GALC: variants seen among roughly 807,000 people sequenced by gnomAD.
GALC encodes galactosylceramidase.
In GALC, 77 loss-of-function variants were observed where a neutral mutation model predicts 91.8. The observed-to-expected ratio is 0.84, with a 90% CI of 0.70 to 1.01. The LOEUF is 1.01. Among genes scored for constraint, GALC ranks in the 50% least tolerant of loss-of-function variants. The pLI is 0.00. For missense variants in GALC, 882 were observed against 855.9 expected (o/e 1.03, Z -0.38); for synonymous variants, 357 against 306.7 (o/e 1.16, Z -1.71).
intron 1 of GALC, chr14:87,992,229 A>G (rs78557856): frequency 0.14 from 207,463 of 1,489,856 alleles, 15,737 homozygotes; most frequent in Middle Eastern, 0.16. Flanking sequence ...TCCGAGTTCA[A>G]CCTTAACATT....
chr14:87,980,137 C>CT (rs1886674747), intron 6 of GALC, among the ~76,000 whole-genome samples: 1 of 152,282 alleles, frequency 6.6e-6, no homozygotes, highest in Admixed American at 6.5e-5. Context: ...AATCCCAGCA[C>CT]TTTGGGAGGC....
At chr14:87,937,186 A>G (rs541705587) in intron 16 of GALC, among the ~76,000 whole-genome samples, 2 of 151,754 alleles carry the variant, frequency 1.3e-5, no homozygotes, top group Admixed American at 1.3e-4. Flanking sequence ...TGTTTTTTTT[A>G]TTTACGCAAA....
intron 3 of GALC, chr14:87,987,932 T>C (rs1887041498): frequency 3.6e-6 from 2 of 556,740 alleles, no homozygotes; most frequent in East Asian, 3.0e-5. Context: ...AAATAAGCAA[T>C]TTGAAGTTTG....
chr14:87,938,928 C>T (rs79442615), intron 16 of GALC, among the ~76,000 whole-genome samples: 16,646 of 151,824 alleles, frequency 0.11, 1,136 homozygotes, highest in Non-Finnish European at 0.16. Context: ...TAAATTCACA[C>T]AAATTTGCCA....
intron 1 of GALC, among the ~76,000 whole-genome samples, chr14:87,989,091 T>A (rs1288446858): frequency 6.6e-6 from 1 of 152,184 alleles, no homozygotes; most frequent in Non-Finnish European, 1.5e-5. Flanking sequence ...TACTGGATCA[T>A]GCCTGGACCA....
intron 15 of GALC, 106 bp downstream of exon 15, chr14:87,941,289 C>T (rs1884837983): frequency 1.3e-6 from 1 of 763,522 alleles, no homozygotes. Context: ...GATGTCCAAA[C>T]ACCTTGGGTT....
chr14:87,952,581 G>A (rs954627984), intron 10 of GALC: 57 of 1,240,660 alleles, frequency 4.6e-5, no homozygotes, highest in Non-Finnish European at 4.1e-5. Context: ...TTTAATGTCC[G>A]TTGCTGACCC....
chr14:87,949,460 A>C (rs75360027), intron 12 of GALC, among the ~76,000 whole-genome samples: 1 of 151,952 alleles, frequency 6.6e-6, no homozygotes, highest in East Asian at 1.9e-4. Context: ...GGTGACCTGG[A>C]AAGTCAGACT....
chr14:87,983,960 C>T (rs764423713), intron 5 of GALC, among the ~76,000 whole-genome samples: 1 of 152,062 alleles, frequency 6.6e-6, no homozygotes, highest in Non-Finnish European at 1.5e-5. Flanking sequence ...GGCCCACAAA[C>T]CCAAAACTAT....
In GALC at chr14:87,941,498, G is replaced by T; in HGVS notation, c.1731C>A (p.Phe577Leu). The change falls in exon 15 of 17, where the codon TTC becomes TTA. Residue 577 changes from phenylalanine (F) to leucine (L), a missense_variant. Phe to Leu is a conservative substitution (Grantham distance 22, BLOSUM62 0). Coordinates refer to ENST00000261304, the MANE Select transcript of GALC (RefSeq NM_000153.4). ...CACCTTTATTTACTCTTCCTGCAAT[G>T]AACACACCTCCTGTGTCAGGGGTCT... ...YIETPDTGGVFIAGRVNKGGI... is the reference protein window; with the variant it reads ...YIETPDTGGVLIAGRVNKGGI... 1 of 1,599,732 alleles carries T rather than the reference G, an allele frequency of 6.3e-7. No homozygotes were observed. The highest frequency in any genetic ancestry group is 2.2e-5 in the East Asian group (1 of 44,718).
intron 6 of GALC, chr14:87,980,705 C>T (rs1886703463): frequency 6.5e-6 from 1 of 152,968 alleles, no homozygotes; most frequent in Non-Finnish European, 1.5e-5. Flanking sequence ...TGACACATTC[C>T]AAATTATGAC....
chr14:87,934,145 T>G lies in GALC; in HGVS notation c.*587A>C. The G allele has an allele frequency of 7.0e-7, 1 of 1,423,708 alleles. No homozygotes were observed. The highest frequency in any genetic ancestry group is 9.2e-7 in the Non-Finnish European group (1 of 1,090,830). The allele number at this position is 1,423,708 out of a possible 1,614,324, so 88.2% of individuals were successfully genotyped here. A position where few individuals can be genotyped will look rare whatever the true frequency, so the allele number is the denominator to read the frequency against. ...AGAGGTAGTTTATTAAAGAGGCATT[T>G]TTAAAATCATCCCACTCATCATATC... On this transcript the variant is annotated 3_prime_UTR_variant, in exon 17 of 17. Transcript: ENST00000261304.
chr14:87,954,037 G>C (rs1233793377), intron 10 of GALC: 1 of 1,609,654 alleles, frequency 6.2e-7, no homozygotes, highest in African/African-American at 1.3e-5. Flanking sequence ...GAGGACCAAT[G>C]GGTTGGCGAG....
intron 4 of GALC, among the ~76,000 whole-genome samples, chr14:87,984,752 T>A (rs2139750580): frequency 6.6e-6 from 1 of 152,260 alleles, no homozygotes; most frequent in East Asian, 1.9e-4. Flanking sequence ...GGTCCCATAA[T>A]TTCAAATGTT....
At chr14:87,982,027 A>C (rs923783390) in intron 6 of GALC, among the ~76,000 whole-genome samples, 178 bp downstream of exon 6, 3 of 152,300 alleles carry the variant, frequency 2.0e-5, no homozygotes, top group African/African-American at 7.2e-5. Context: ...TAATATCAGG[A>C]ATATAAACAT....
chr14:87,954,515 C>T (rs1191400929), intron 10 of GALC: 1 of 1,559,662 alleles, frequency 6.4e-7, no homozygotes. Flanking sequence ...CCTAAAATCG[C>T]ATACAATGCC....
intron 14 of GALC, among the ~76,000 whole-genome samples, chr14:87,943,846 G>A (rs1884961180): frequency 6.6e-6 from 1 of 152,046 alleles, no homozygotes. Flanking sequence ...GTGGAATACT[G>A]GAAAATAACA....
intron 10 of GALC, chr14:87,952,898 T>C (rs10483987): frequency 0.13 from 121,934 of 951,628 alleles, 9,235 homozygotes; most frequent in Non-Finnish European, 0.15. Context: ...CTGAAAAGTA[T>C]CAAAAGCTTC....
rs114837966 is a variant in GALC at position 87,939,482 on chromosome 14, A to T, written c.1911+423T>A. Among the ~76,000 whole-genome samples the T allele has an allele frequency of 4.5e-3, 680 of 152,024 alleles. 4 individuals carry two copies. The highest frequency in any genetic ancestry group is 0.016 in the African/African-American group (644 of 41,536). ...ATCTGGTATTTTCTCTGACTAAAAT[A>T]TTCATGGAAACCAATTTCTAAAAAT... On this transcript the variant is annotated intron_variant, in intron 16 of 16. Transcript: ENST00000261304.
Sources: allele counts gnomAD v4.1 joint callset (sites outside exome capture counted in the v4.1 genomes callset), GRCh38; gene constraint gnomAD v4.1.1; transcripts MANE v1.5; gene names NCBI Gene and HGNC (gene_info 2026-07-23, HGNC 2026-07-21).